Variants in PPARGC1A observed in about 807,000 individuals in gnomAD.
The protein encoded by PPARGC1A is PPARG coactivator 1 alpha, also known as peroxisome proliferator-activated receptor gamma coactivator 1-alpha.
Under a neutral mutation model 88.7 loss-of-function variants are expected in PPARGC1A, and 25 were observed. The ratio of observed to expected loss-of-function variants is 0.28; its 90% CI spans 0.21 to 0.39. The LOEUF is 0.39. Among genes scored for constraint, PPARGC1A ranks in the 10% least tolerant of loss-of-function variants. The pLI, the probability that PPARGC1A is intolerant of heterozygous loss-of-function variation, is 1.00. For missense variants in PPARGC1A, 880 were observed against 968.7 expected (o/e 0.91, Z 1.22); for synonymous variants, 363 against 355.6 (o/e 1.02, Z -0.24).
chr4:24,117,481 C>G, the PPARGC1A span, among the ~76,000 whole-genome samples: 1 of 151,340 alleles, frequency 6.6e-6, no homozygotes, highest in East Asian at 1.9e-4. Context: ...CCCTTTTTTT[C>G]TTTATTTTCA....
intron 10 of PPARGC1A, among the ~76,000 whole-genome samples, 176 bp downstream of exon 10, chr4:23,812,571 A>G (rs1173870228): frequency 6.6e-6 from 1 of 152,310 alleles, no homozygotes; most frequent in Middle Eastern, 3.4e-3. Flanking sequence ...TTGTTTTCCA[A>G]TAAGTTAGGT....
At chr4:24,144,110 C>T in the PPARGC1A span, among the ~76,000 whole-genome samples, 1 of 152,176 alleles carries the variant, frequency 6.6e-6, no homozygotes, top group Non-Finnish European at 1.5e-5. Flanking sequence ...GGGCTTATGG[C>T]CTATTTGCCA....
At chr4:24,028,063 A>G in the PPARGC1A span, among the ~76,000 whole-genome samples, 1 of 152,108 alleles carries the variant, frequency 6.6e-6, no homozygotes, top group African/African-American at 2.4e-5. Flanking sequence ...AAGGCCTTCA[A>G]CGAAAATGGA....
chr4:24,443,987 T>C, the PPARGC1A span, among the ~76,000 whole-genome samples: 1 of 152,136 alleles, frequency 6.6e-6, no homozygotes, highest in African/African-American at 2.4e-5. Flanking sequence ...AGGAGTAAAG[T>C]TGTTGCAAAA....
chr4:23,867,854 G>A (rs955021989), intron 2 of PPARGC1A, among the ~76,000 whole-genome samples: 1 of 152,204 alleles, frequency 6.6e-6, no homozygotes, highest in Non-Finnish European at 1.5e-5. Context: ...GAGGTAAACT[G>A]TTTTCATTAC....
At chr4:23,988,016 C>T in the PPARGC1A span, among the ~76,000 whole-genome samples, 1 of 151,830 alleles carries the variant, frequency 6.6e-6, no homozygotes, top group East Asian at 1.9e-4. Flanking sequence ...GTTCAACTCC[C>T]ACTTATGAGT....
intron 12 of PPARGC1A, among the ~76,000 whole-genome samples, chr4:23,796,595 A>G (rs988321591): frequency 6.6e-6 from 1 of 152,172 alleles, no homozygotes; most frequent in Non-Finnish European, 1.5e-5. Context: ...TAAGCTTTTG[A>G]GCAGTTTCAC....
the PPARGC1A span, among the ~76,000 whole-genome samples, chr4:24,318,412 A>G: frequency 1.3e-5 from 2 of 152,244 alleles, no homozygotes; most frequent in Admixed American, 1.3e-4. Flanking sequence ...GAACAAAATG[A>G]ATTAACCAAA....
At chr4:23,894,552 ATTTATT>A (rs1399798578), upstream of PPARGC1A, among the ~76,000 whole-genome samples, 2 of 152,276 alleles carry the variant, frequency 1.3e-5, no homozygotes, top group South Asian at 2.1e-4. Flanking sequence ...GTCTCCTAGC[ATTTATT>A]TTTATTTTTT....
At chr4:24,333,670 A>T in the PPARGC1A span, among the ~76,000 whole-genome samples, 1 of 152,100 alleles carries the variant, frequency 6.6e-6, no homozygotes, top group Non-Finnish European at 1.5e-5. Flanking sequence ...GCGGTGGCTC[A>T]CACCTGTAAT....
intron 2 of PPARGC1A, chr4:23,884,520 T>C (rs1299562774): frequency 2.3e-6 from 1 of 440,882 alleles, no homozygotes; most frequent in Non-Finnish European, 4.0e-6. Flanking sequence ...CACTCACAGT[T>C]GTTGATTCCT....
the PPARGC1A span, among the ~76,000 whole-genome samples, chr4:23,925,643 G>C: frequency 2.0e-5 from 3 of 152,158 alleles, no homozygotes; most frequent in Admixed American, 6.5e-5. Flanking sequence ...AAGAAGAATT[G>C]ACCTAAGCTC....
Position 23,817,613 on chromosome 4 carries a change from G to A in PPARGC1A, c.878-3008C>T, listed in dbSNP as rs116722653. 6.4e-3 allele frequency among the ~76,000 whole-genome samples: 977 copies of A among 152,136 alleles called. 11 individuals carry two copies. Among genetic ancestry groups the A allele is most frequent in the African/African-American group, 0.022 (914 of 41,516 alleles). ...AAATATAAGGGCTGGAAATTTCTGC[G>A]GGCACCATTTGTTGAAACAAATAGG... On this transcript the variant is annotated intron_variant, in intron 7 of 12. Coordinates refer to ENST00000264867, the MANE Select transcript of PPARGC1A (RefSeq NM_013261.5).
At chr4:24,308,302 AAAAAAAAAAAAAGAG>A in the PPARGC1A span, among the ~76,000 whole-genome samples, 3 of 151,730 alleles carry the variant, frequency 2.0e-5, no homozygotes, top group Non-Finnish European at 4.4e-5. Context: ...CGAAAAAAAA[AAAAAAAAAAAAAGAG>A]AAAAGAAAAA....
the PPARGC1A span, among the ~76,000 whole-genome samples, chr4:23,980,813 C>T: frequency 6.6e-6 from 1 of 152,148 alleles, no homozygotes; most frequent in African/African-American, 2.4e-5. Flanking sequence ...GGCCTCCAAA[C>T]TGAAGTCCCA....
At chr4:24,228,688 A>C in the PPARGC1A span, among the ~76,000 whole-genome samples, 1 of 152,192 alleles carries the variant, frequency 6.6e-6, no homozygotes, top group Non-Finnish European at 1.5e-5. Flanking sequence ...GGTAGGGAAT[A>C]AAGGTAGGAC....
At chr4:23,907,693 A>G (rs1720213987), upstream of PPARGC1A, among the ~76,000 whole-genome samples, 1 of 152,076 alleles carries the variant, frequency 6.6e-6, no homozygotes, top group African/African-American at 2.4e-5. Context: ...TAGAGCGCCT[A>G]CTCTGCAGTT....
At chr4:23,865,132 C>T (rs1711635638) in intron 2 of PPARGC1A, among the ~76,000 whole-genome samples, 1 of 152,100 alleles carries the variant, frequency 6.6e-6, no homozygotes, top group South Asian at 2.1e-4. Flanking sequence ...TTGTAGTGAA[C>T]CAAGATCATA....
the PPARGC1A span, among the ~76,000 whole-genome samples, chr4:24,014,522 C>A: frequency 6.6e-6 from 1 of 152,174 alleles, no homozygotes; most frequent in African/African-American, 2.4e-5. Context: ...TTCTCACGGC[C>A]TTGCAAGTCT....
Sources: gnomAD v4.1 joint callset for allele counts (sites outside exome capture counted in the v4.1 genomes callset) on GRCh38, gnomAD v4.1.1 for gene constraint, MANE v1.5 for transcripts, NCBI Gene and HGNC (gene_info 2026-07-23, HGNC 2026-07-21) for gene names.